DNA2: variants seen among roughly 807,000 people sequenced by gnomAD.
The protein encoded by DNA2 is DNA replication ATP-dependent helicase/nuclease DNA2.
A neutral mutation model predicts 119.1 loss-of-function variants in DNA2; 101 were observed. The observed-to-expected ratio is 0.85, with a 90% CI of 0.72 to 1.00. DNA2 has a LOEUF of 1.00. Among genes scored for constraint, DNA2 ranks in the 50% least tolerant of loss-of-function variants. The pLI, the probability that DNA2 is intolerant of heterozygous loss-of-function variation, is 0.00. For missense variants in DNA2, 1,121 were observed against 1,255.5 expected (o/e 0.89, Z 1.62); for synonymous variants, 366 against 424.4 (o/e 0.86, Z 1.69).
rs960813891 is a variant in DNA2, at chr10:68,430,428, G to A, written c.2208+8C>T. ...CTGTTAGTATTATTATACAATAATT[G>A]TGCTTACTTGACTATTGTAGAGTTC... On this transcript the variant is annotated splice_region_variant and intron_variant, in intron 14 of 20. Coordinates refer to ENST00000358410, the MANE Select transcript of DNA2 (RefSeq NM_001080449.3). 1 of 1,546,020 alleles carries A rather than the reference G, an allele frequency of 6.5e-7. No homozygotes were observed. Among genetic ancestry groups the A allele is most frequent in the Admixed American group, 1.8e-5 (1 of 55,414 alleles).
chr10:68,447,099 T>C (rs1478824898), intron 6 of DNA2, among the ~76,000 whole-genome samples: 1 of 152,122 alleles, frequency 6.6e-6, no homozygotes, highest in Non-Finnish European at 1.5e-5. Context: ...TATATTAAAA[T>C]ATCTCATGTA....
chr10:68,423,966 T>TA (rs1371035830), intron 14 of DNA2, among the ~76,000 whole-genome samples: 4 of 152,022 alleles, frequency 2.6e-5, no homozygotes, highest in Admixed American at 6.6e-5. Context: ...CATGTTTCAA[T>TA]AAAAAAATCA....
chr10:68,456,983 A>G (rs1015822696), intron 5 of DNA2, among the ~76,000 whole-genome samples: 1 of 151,814 alleles, frequency 6.6e-6, no homozygotes, highest in Non-Finnish European at 1.5e-5. Flanking sequence ...AAATACAAAA[A>G]ATTAGCCAGG....
At position 68,465,794 on chromosome 10, in the gene DNA2, G is replaced by T; in HGVS notation, c.460C>A (p.Arg154Ser). ...AGAACCGTACCAATTAGCATTTGGC[G>T]TGTGGCTGGATCAGAGCTCTACAAA... ...ETFRSSDPATRQMLIGTVLHE... is the reference protein window; with the variant it reads ...ETFRSSDPATSQMLIGTVLHE... The change falls in exon 4 of 21, where the codon CGC becomes AGC. Residue 154 changes from arginine to serine, a missense_variant. Physicochemically the swap from Arg to Ser is moderately radical, Grantham distance 110. Coordinates refer to ENST00000358410, the MANE Select transcript of DNA2 (RefSeq NM_001080449.3). 1 of 1,585,468 alleles carries T rather than the reference G, an allele frequency of 6.3e-7. No homozygotes were observed. Among genetic ancestry groups the T allele is most frequent in the East Asian group, 2.3e-5 (1 of 44,272 alleles).
rs2051682648 is a variant in DNA2, at chr10:68,422,764, A to G, written c.2335T>C (p.Ser779Pro). The change falls in exon 15 of 21, where the codon TCA becomes CCA. Residue 779 changes from serine (S) to proline (P), a missense_variant. Coordinates refer to ENST00000358410, the MANE Select transcript of DNA2 (RefSeq NM_001080449.3). Reference protein sequence around the residue: ...QPICLGPLFFSRRFVLVGDHQ... With the variant: ...QPICLGPLFFPRRFVLVGDHQ... ...TCCCCCACTAACACAAATCTCCGTG[A>G]AAAAAAAAGGGGGCCCAGACAAATT... 1 of 1,581,642 alleles carries G rather than the reference A, an allele frequency of 6.3e-7. No homozygotes were observed. The highest frequency in any genetic ancestry group is 8.6e-7 in the Non-Finnish European group (1 of 1,162,414).
At chr10:68,424,519 A>G (rs1476186501) in intron 14 of DNA2, 19 of 668,040 alleles carry the variant, frequency 2.8e-5, no homozygotes, top group Non-Finnish European at 4.8e-5. Context: ...AAAAAAAAAA[A>G]ACAAAACAGG....
intron 14 of DNA2, chr10:68,425,012 G>A: frequency 2.0e-6 from 1 of 509,774 alleles, no homozygotes; most frequent in Non-Finnish European, 3.7e-6. Flanking sequence ...AACCTGTTGT[G>A]CAACCATGGT....
chr10:68,458,077 G>A (rs1315956546), intron 5 of DNA2, among the ~76,000 whole-genome samples: 1 of 152,010 alleles, frequency 6.6e-6, no homozygotes, highest in East Asian at 1.9e-4. Context: ...GGAGGCTGAG[G>A]CAGGAGAATT....
At chr10:68,459,330 A>G in intron 4 of DNA2, 95 bp from the exon 5 acceptor site, 1 of 1,313,598 alleles carries the variant, frequency 7.6e-7, no homozygotes, top group Non-Finnish European at 1.0e-6. Flanking sequence ...AGAAAAGTAA[A>G]CGAGGACAAA....
At chr10:68,461,709 TC>T (rs2052261173) in intron 4 of DNA2, among the ~76,000 whole-genome samples, 1 of 150,960 alleles carries the variant, frequency 6.6e-6, no homozygotes, top group South Asian at 2.1e-4. Context: ...ATGCCTGTAA[TC>T]CCAGCTACTC....
At chr10:68,435,922 T>C (rs2051883244) in intron 10 of DNA2, among the ~76,000 whole-genome samples, 1 of 152,174 alleles carries the variant, frequency 6.6e-6, no homozygotes, top group Non-Finnish European at 1.5e-5. Context: ...CAGGGTGGCA[T>C]CTATGCTGTC....
intron 4 of DNA2, among the ~76,000 whole-genome samples, chr10:68,461,828 C>CAAAAAAAAAAAAAA (rs554059657): frequency 5.7e-5 from 4 of 70,296 alleles, no homozygotes; most frequent in African/African-American, 1.2e-4. Flanking sequence ...AACTCCGTCT[C>CAAAAAAAAAAAAAA]AAAAAAAAAA....
Position 68,450,256 on chromosome 10 carries a change from A to C in DNA2, c.720-9T>G, listed in dbSNP as rs2052101581. ...TACTATTATCACTTGGCCTGAAAAA[A>C]AAAAAAGCACAAAAACACTTAATTA... On this transcript the variant is annotated splice_polypyrimidine_tract_variant and intron_variant, in intron 5 of 20. Transcript: ENST00000358410. 1 of 1,549,262 alleles carries C rather than the reference A, an allele frequency of 6.5e-7. No homozygotes were observed. The highest frequency in any genetic ancestry group is 1.4e-5 in the African/African-American group (1 of 73,120).
At chr10:68,471,731 T>C in intron 1 of DNA2, 60 bp downstream of exon 1, 1 of 1,497,652 alleles carries the variant, frequency 6.7e-7, no homozygotes, top group Non-Finnish European at 8.9e-7. Flanking sequence ...ACGCAGCCTC[T>C]CCCGCTCCTT....
intron 1 of DNA2, chr10:68,470,647 G>C (rs1340880477): frequency 2.3e-6 from 1 of 441,170 alleles, no homozygotes; most frequent in Admixed American, 2.6e-5. Flanking sequence ...GTATAAATTG[G>C]ACAACATTAA....
intron 6 of DNA2, among the ~76,000 whole-genome samples, chr10:68,448,982 T>TGTGTGC (rs1554907498): frequency 2.8e-5 from 4 of 144,264 alleles, no homozygotes; most frequent in African/African-American, 1.1e-4. Flanking sequence ...TGTGTGTGTG[T>TGTGTGC]GTGTAGTAGT....
At position 68,450,037 on chromosome 10, in the gene DNA2, G is replaced by T; in HGVS notation, c.930C>A (p.His310Gln). ...KTGKESNSIE[H>Q]RSQVVLYTLL... is the part of the protein sequence containing the mutation. ...TTATTAACATTTATACCTGACTACGGTGTTCAATAGAATTTGATTCTTTGC... is the reference window on the plus strand; with the variant it reads ...TTATTAACATTTATACCTGACTACGTTGTTCAATAGAATTTGATTCTTTGC... Residue 310 changes from histidine (H) to glutamine (Q), a missense_variant, in exon 6 of 21, where the codon CAC (histidine) becomes CAA (glutamine). Transcript: ENST00000358410. 4.4e-6 allele frequency: 7 copies of T among 1,578,338 alleles called. No homozygotes were observed. The highest frequency in any genetic ancestry group is 6.0e-6 in the Non-Finnish European group (7 of 1,157,694).
Position 68,422,877 on chromosome 10 carries a change from GT to G in DNA2, c.2221del (p.Thr741GlnfsTer6). ...TGGATGGTTTATTCCCATACATGTT[GT>G]TGCAACTATAAGCTAAAAACAAGGA... ...ELYNSQLIVATTCMGINHPIF... is the reference protein window; with the variant it reads ...ELYNSQLIVAXTCMGINHPIF... On this transcript the variant is annotated frameshift_variant, in exon 15 of 21. Transcript: ENST00000358410. LOFTEE classifies it high-confidence loss of function. 6.3e-7 allele frequency: 1 copy of G among 1,576,114 alleles called. No individual in the cohort carries two copies. Among genetic ancestry groups the G allele is most frequent in the Non-Finnish European group, 8.6e-7 (1 of 1,165,772 alleles).
chr10:68,436,145 T>C (rs1244893308), intron 10 of DNA2, among the ~76,000 whole-genome samples: 1 of 152,198 alleles, frequency 6.6e-6, no homozygotes, highest in Non-Finnish European at 1.5e-5. Context: ...TATTAATCAT[T>C]ACAGCAAAAA....
Sources: allele counts gnomAD v4.1 joint callset (sites outside exome capture counted in the v4.1 genomes callset), GRCh38; gene constraint gnomAD v4.1.1; transcripts MANE v1.5; gene names NCBI Gene and HGNC (gene_info 2026-07-23, HGNC 2026-07-21).